The following EXOC8 variants were observed in gnomAD, a reference collection of about 807,000 sequenced individuals.
The protein encoded by EXOC8 is exocyst complex component 8, also known as exocyst complex 84 kDa subunit.
Under a neutral mutation model 50.8 loss-of-function variants are expected in EXOC8, and 19 were observed. The observed-to-expected ratio is 0.37, with a 90% confidence interval of 0.26 to 0.55. The LOEUF is 0.55. Ranked by LOEUF, EXOC8 falls within the 20% of genes least tolerant of loss-of-function variation. The pLI is 0.80. For missense variants in EXOC8, 781 were observed against 915.8 expected (o/e 0.85, Z 1.90); for synonymous variants, 384 against 367.9 (o/e 1.04, Z -0.50).
Position 231,336,555 on chromosome 1 carries a change from T to C in EXOC8, c.1191A>G (p.Glu397=). The change falls in exon 1 of 1, where the codon GAA becomes GAG. Residue 397 remains glutamate, a synonymous_variant. Transcript: ENST00000366645. The surrounding 1 kb of genome is among the most constrained non-coding windows in gnomAD (Gnocchi z 5.4). ...CTCTCAGGGAACGATCTGGGGAGAG[T>C]TCGAAAACTAGCACCTCAGTGAGCT... ...VRQLTEVLVF[E]LSPDRSLRGG... 6.2e-7 allele frequency: 1 copy of C among 1,613,780 alleles called. No individual in the cohort carries two copies. The highest frequency in any genetic ancestry group is 8.5e-7 in the Non-Finnish European group (1 of 1,179,974).
At position 231,337,078 on chromosome 1, in the gene EXOC8, CCA is replaced by C. The variant is rs1167064291; in HGVS notation, c.666_667del (p.Gly223AspfsTer45). On this transcript the variant is annotated frameshift_variant, in exon 1 of 1. Coordinates refer to ENST00000366645, the MANE Select transcript of EXOC8 (RefSeq NM_175876.5). LOFTEE classifies it high-confidence loss of function. The surrounding 1 kb of genome is among the most constrained non-coding windows in gnomAD (Gnocchi z 5.9). ...ATAGAGAGCGTTGTAGCGATACATC[CCA>C]CGCCGCTGAGGCAGCCAGGTAGCCA... 5 of 1,613,988 alleles carry C rather than the reference CCA, an allele frequency of 3.1e-6. No homozygotes were observed. Among genetic ancestry groups the C allele is most frequent in the Non-Finnish European group, 4.2e-6 (5 of 1,180,048 alleles).
Position 231,336,628 on chromosome 1 carries a change from G to A in EXOC8, c.1118C>T (p.Pro373Leu). Residue 373 changes from proline (P) to leucine (L), a missense_variant, in exon 1 of 1, where the codon CCA (proline) becomes CTA (leucine). Pro to Leu is a moderately conservative substitution (Grantham distance 98, BLOSUM62 -3). Around this residue, in one of 3 missense-constraint regions of EXOC8, gnomAD observed 700 missense variants for 804.1 expected, o/e 0.87. Coordinates refer to ENST00000366645, the MANE Select transcript of EXOC8 (RefSeq NM_175876.5). The surrounding 1 kb of genome is among the most constrained non-coding windows in gnomAD (Gnocchi z 5.4). ...LNHYLEDKPSPPPVKELRAKV... is the reference protein window; with the variant it reads ...LNHYLEDKPSLPPVKELRAKV... ...GGCCCTTAGTTCTTTTACAGGAGGT[G>A]GGCTAGGTTTATCTTCCAGGTAATG... The A allele has an allele frequency of 6.2e-7, 1 of 1,614,154 alleles. No homozygotes were observed. Among genetic ancestry groups the A allele is most frequent in the Non-Finnish European group, 8.5e-7 (1 of 1,180,040 alleles).
chr1:231,335,327 A>G lies in EXOC8; in HGVS notation c.*241T>C, dbSNP rs1686642825. On this transcript the variant is annotated 3_prime_UTR_variant, in exon 1 of 1. Coordinates refer to ENST00000366645, the MANE Select transcript of EXOC8 (RefSeq NM_175876.5). ...AGTGTGACCATAATTTCAGAAGAAG[A>G]GAATTAGCATAATTTAAAAGGATAG... 1 of 308,292 alleles carries G rather than the reference A, an allele frequency of 3.2e-6. No homozygotes were observed. Among genetic ancestry groups the G allele is most frequent in the Admixed American group, 4.4e-5 (1 of 22,538 alleles). 19.1% of individuals were successfully genotyped at this position (308,292 alleles called of 1,614,324 possible).
In EXOC8 at chr1:231,334,536, T is replaced by C. The variant is rs1420748989; in HGVS notation, c.*1032A>G. 1.3e-5 allele frequency: 2 copies of C among 152,230 alleles called. No homozygotes were observed. Among genetic ancestry groups the C allele is most frequent in the Non-Finnish European group, 2.9e-5 (2 of 68,036 alleles). The allele number at this position is 152,230 out of a possible 1,614,324, so 9.4% of individuals were successfully genotyped here. On this transcript the variant is annotated 3_prime_UTR_variant, in exon 1 of 1. Coordinates refer to ENST00000366645, the MANE Select transcript of EXOC8 (RefSeq NM_175876.5). ...CCCCAATGTGTCTTGCTTATTATTT[T>C]TTAAAATGTGACAAAGACAAAAGCT...
chr1:231,336,072 G>GT lies in EXOC8; in HGVS notation c.1673dup (p.Tyr558Ter). The change falls in exon 1 of 1, where the codon TAC (tyrosine) becomes TAAC (stop). Residue 558 changes from tyrosine (Y) to a stop codon, truncating the protein, a stop_gained and frameshift_variant. Transcript: ENST00000366645. LOFTEE classifies it high-confidence loss of function. This position sits in a 1 kb window ranked among gnomAD's most constrained non-coding sequence, Gnocchi z 5.4. ...VKDIQGALHS[Y>*]KEIIIEATKH... ...TAGTGGCTTCAATGATGATTTCTTT[G>GT]TAACTGTGCAAGGCCCCTTGGATGT... The GT allele has an allele frequency of 6.2e-7, 1 of 1,614,154 alleles. No individual in the cohort carries two copies. The highest frequency in any genetic ancestry group is 1.3e-5 in the African/African-American group (1 of 75,024).
At position 231,336,905 on chromosome 1, in the gene EXOC8, T is replaced by TG; in HGVS notation, c.840dup (p.Lys281GlnfsTer6). On this transcript the variant is annotated frameshift_variant, in exon 1 of 1. Transcript: ENST00000366645. LOFTEE classifies it high-confidence loss of function. This position sits in a 1 kb window ranked among gnomAD's most constrained non-coding sequence, Gnocchi z 5.4. ...CGCCTTTTCTCACTGAGGGCCCTCT[T>TG]GGTGTCCTCCAGCACTTCCAGCCAC... 2 of 1,614,100 alleles carry TG rather than the reference T, an allele frequency of 1.2e-6. No homozygotes were observed. The highest frequency in any genetic ancestry group is 2.2e-5 in the East Asian group (1 of 44,880).
In EXOC8 at chr1:231,337,490, G is replaced by C; in HGVS notation, c.256C>G (p.Gln86Glu). Residue 86 changes from glutamine (Q) to glutamate (E), a missense_variant, in exon 1 of 1, where the codon CAG becomes GAG. Coordinates refer to ENST00000366645, the MANE Select transcript of EXOC8 (RefSeq NM_175876.5). This position sits in a 1 kb window ranked among gnomAD's most constrained non-coding sequence, Gnocchi z 5.9. ...EISYLESEMY[Q>E]LSHLLTEQKS... ...TGCTCGGTCAGCAAATGGCTGAGCT[G>C]GTACATCTCGCTCTCCAGGTAGGAG... 6.2e-7 allele frequency: 1 copy of C among 1,613,502 alleles called. No individual in the cohort carries two copies. Among genetic ancestry groups the C allele is most frequent in the Non-Finnish European group, 8.5e-7 (1 of 1,179,980 alleles).
At position 231,336,126 on chromosome 1, in the gene EXOC8, G is replaced by A. The variant is rs145080060; in HGVS notation, c.1620C>T (p.Thr540=). 46 of 1,614,058 alleles carry A rather than the reference G, an allele frequency of 2.8e-5. 1 individual carries two copies. The Middle Eastern group carries it at 4.9e-4, about 17-fold the overall frequency. ...QQLGDIGLDL[T]FIIHALLVKD... ...TCACCAGAAGGGCATGGATGATGAA[G>A]GTGAGATCCAGTCCGATATCACCCA... The change falls in exon 1 of 1, where the codon ACC becomes ACT. Residue 540 remains threonine, a synonymous_variant. Transcript: ENST00000366645. This position sits in a 1 kb window ranked among gnomAD's most constrained non-coding sequence, Gnocchi z 5.4.
chr1:231,336,460 T>C lies in EXOC8; in HGVS notation c.1286A>G (p.Glu429Gly). Reference protein sequence around the residue: ...IRLGQCTKACELFLRNRAAAV... With the variant: ...IRLGQCTKACGLFLRNRAAAV... ...GGCTGCCCTGTTTCTCAAAAATAGCTCACAGGCCTTCGTGCACTGGCCCAG... is the reference window on the plus strand; with the variant it reads ...GGCTGCCCTGTTTCTCAAAAATAGCCCACAGGCCTTCGTGCACTGGCCCAG... The change falls in exon 1 of 1, where the codon GAG (glutamate) becomes GGG (glycine). Residue 429 changes from glutamate (E) to glycine (G), a missense_variant. By Grantham distance (98) the Glu-to-Gly change is moderately conservative. Around this residue, in one of 3 missense-constraint regions of EXOC8, gnomAD observed 700 missense variants for 804.1 expected, o/e 0.87. Transcript: ENST00000366645. This position sits in a 1 kb window ranked among gnomAD's most constrained non-coding sequence, Gnocchi z 5.4. The C allele has an allele frequency of 6.2e-7, 1 of 1,613,722 alleles. No homozygotes were observed. The highest frequency in any genetic ancestry group is 8.5e-7 in the Non-Finnish European group (1 of 1,179,902).
In EXOC8 at chr1:231,335,933, T is replaced by C. The variant is rs1197255782; in HGVS notation, c.1813A>G (p.Thr605Ala). The change falls in exon 1 of 1, where the codon ACA (threonine) becomes GCA (alanine). Residue 605 changes from threonine to alanine, a missense_variant. Physicochemically the swap from Thr to Ala is moderately conservative, Grantham distance 58. Transcript: ENST00000366645. Reference protein sequence around the residue: ...SCGVSNFEQYTGDDCWVNLSY... With the variant: ...SCGVSNFEQYAGDDCWVNLSY... ...AGGTTCACCCAGCAGTCATCCCCTG[T>C]GTACTGCTCAAAGTTACTTACCCCA... The C allele has an allele frequency of 6.2e-7, 1 of 1,614,220 alleles. No individual in the cohort carries two copies. The highest frequency in any genetic ancestry group is 8.5e-7 in the Non-Finnish European group (1 of 1,180,034).
Position 231,337,669 on chromosome 1 carries a change from A to G in EXOC8, c.77T>C (p.Leu26Pro), listed in dbSNP as rs145173936. 191 of 1,609,716 alleles carry G rather than the reference A, an allele frequency of 1.2e-4. No individual in the cohort carries two copies. The highest frequency in any genetic ancestry group is 1.5e-4 in the Non-Finnish European group (179 of 1,179,920). ...QLESGGFEAR[L>P]YVKQLSQQSD... ...CTGCTGCGAGAGCTGCTTCACGTAC[A>G]GCCGCGCCTCAAAACCCCCTGACTC... The change falls in exon 1 of 1, where the codon CTG becomes CCG. Residue 26 changes from leucine (L) to proline (P), a missense_variant. Transcript: ENST00000366645. The surrounding 1 kb of genome is among the most constrained non-coding windows in gnomAD (Gnocchi z 5.9).
Position 231,333,450 on chromosome 1 carries a change from T to C in EXOC8, c.*2118A>G, listed in dbSNP as rs1686604292. 1 of 152,646 alleles carries C rather than the reference T, an allele frequency of 6.6e-6. No individual in the cohort carries two copies. The highest frequency in any genetic ancestry group is 1.5e-5 in the Non-Finnish European group (1 of 68,044). 9.5% of individuals were successfully genotyped at this position (152,646 alleles called of 1,614,324 possible). ...ATGAAGAAGCAACCATTTAAATATC[T>C]AACTATACACATTCAAGTTTTTACA... On this transcript the variant is annotated 3_prime_UTR_variant, in exon 1 of 1. Transcript: ENST00000366645.
Position 231,334,415 on chromosome 1 carries a change from G to A in EXOC8, c.*1153C>T, listed in dbSNP as rs1174631082. ...TTTTTTTCCATTTGCATGAAGTCTGGGTCACTATATCTCCTACCCTGAATG... is the reference window on the plus strand; with the variant it reads ...TTTTTTTCCATTTGCATGAAGTCTGAGTCACTATATCTCCTACCCTGAATG... On this transcript the variant is annotated 3_prime_UTR_variant, in exon 1 of 1. Coordinates refer to ENST00000366645, the MANE Select transcript of EXOC8 (RefSeq NM_175876.5). 1 of 152,080 alleles carries A rather than the reference G, an allele frequency of 6.6e-6. No individual in the cohort carries two copies. The highest frequency in any genetic ancestry group is 2.4e-5 in the African/African-American group (1 of 41,390). 9.4% of individuals were successfully genotyped at this position (152,080 alleles called of 1,614,324 possible). A position where few individuals can be genotyped will look rare whatever the true frequency, so the allele number is the denominator to read the frequency against.
At position 231,336,335 on chromosome 1, in the gene EXOC8, C is replaced by T. The variant is rs1037804650; in HGVS notation, c.1411G>A (p.Ala471Thr). Reference protein sequence around the residue: ...HVFFTSLLETAREFEIDFAGT... With the variant: ...HVFFTSLLETTREFEIDFAGT... Reference sequence around the variant, plus strand: ...GCAAAATCGATCTCAAATTCTCTTGCAGTCTCGAGAAGGCTGGTAAAGAAG... The same window carrying T: ...GCAAAATCGATCTCAAATTCTCTTGTAGTCTCGAGAAGGCTGGTAAAGAAG... Residue 471 changes from alanine to threonine, a missense_variant, in exon 1 of 1, where the codon GCA becomes ACA. Physicochemically the swap from Ala to Thr is moderately conservative, Grantham distance 58 (BLOSUM62 0). Coordinates refer to ENST00000366645, the MANE Select transcript of EXOC8 (RefSeq NM_175876.5). The surrounding 1 kb of genome is among the most constrained non-coding windows in gnomAD (Gnocchi z 5.4). The T allele has an allele frequency of 8.7e-6, 14 of 1,614,028 alleles. No homozygotes were observed. Among genetic ancestry groups the T allele is most frequent in the Non-Finnish European group, 1.1e-5 (13 of 1,179,960 alleles).
rs1018284553 is a variant in EXOC8, at chr1:231,335,176, G to A, written c.*392C>T. On this transcript the variant is annotated 3_prime_UTR_variant, in exon 1 of 1. Coordinates refer to ENST00000366645, the MANE Select transcript of EXOC8 (RefSeq NM_175876.5). The stretch of plus-strand genomic sequence containing the variant: ...GACTACCTGGGCCCGGGAGGTCAAG[G>A]CTGCAGTGAGTCGAGACTTTGCCAC... 20 of 153,182 alleles carry A rather than the reference G, an allele frequency of 1.3e-4. No individual in the cohort carries two copies. Among genetic ancestry groups the A allele is most frequent in the Middle Eastern group, 3.1e-3 (1 of 318 alleles). 9.5% of individuals were successfully genotyped at this position (153,182 alleles called of 1,614,324 possible).
chr1:231,337,736 C>A lies in EXOC8; in HGVS notation c.10G>T (p.Ala4Ser). MAM[A>S]MSDSGASRLR... ...CGGCTCGCCCCACTGTCCGACATCG[C>A]CATCGCCATTTCTCTCCGGGTCTCA... The change falls in exon 1 of 1, where the codon GCG becomes TCG. Residue 4 changes from alanine (A) to serine (S), a missense_variant. By Grantham distance (99) the Ala-to-Ser change is moderately conservative. This residue lies in a region of EXOC8 where 700 missense variants were observed against 804.1 expected (regional missense o/e 0.87). Transcript: ENST00000366645. This position sits in a 1 kb window ranked among gnomAD's most constrained non-coding sequence, Gnocchi z 5.9. The A allele has an allele frequency of 6.3e-7, 1 of 1,597,356 alleles. No homozygotes were observed. Among genetic ancestry groups the A allele is most frequent in the Non-Finnish European group, 8.5e-7 (1 of 1,172,848 alleles).
In EXOC8 at chr1:231,333,549, T is replaced by C. The variant is rs945321176; in HGVS notation, c.*2019A>G. On this transcript the variant is annotated 3_prime_UTR_variant, in exon 1 of 1. Coordinates refer to ENST00000366645, the MANE Select transcript of EXOC8 (RefSeq NM_175876.5). ...ACTCAGCATCATATATTTATACATA[T>C]TTCATACAGTATAGTATTAGAAACT... The C allele has an allele frequency of 1.3e-5, 2 of 152,676 alleles. No individual in the cohort carries two copies. Among genetic ancestry groups the C allele is most frequent in the Non-Finnish European group, 1.5e-5 (1 of 68,040 alleles). The allele number at this position is 152,676 out of a possible 1,614,324, so 9.5% of individuals were successfully genotyped here.
rs1402335229 is a variant in EXOC8, at chr1:231,333,538, A to G, written c.*2030T>C. On this transcript the variant is annotated 3_prime_UTR_variant, in exon 1 of 1. Transcript: ENST00000366645. ...TCATTCCACAGACTCAGCATCATAT[A>G]TTTATACATATTTCATACAGTATAG... 6.6e-6 allele frequency: 1 copy of G among 152,638 alleles called. No homozygotes were observed. Among genetic ancestry groups the G allele is most frequent in the South Asian group, 2.1e-4 (1 of 4,830 alleles). 9.5% of individuals were successfully genotyped at this position (152,638 alleles called of 1,614,324 possible). A position where few individuals can be genotyped will look rare whatever the true frequency, so the allele number is the denominator to read the frequency against.
rs1571983807 is a variant in EXOC8, at chr1:231,336,278, C to T, written c.1468G>A (p.Val490Met). 6.2e-7 allele frequency: 1 copy of T among 1,614,068 alleles called. No individual in the cohort carries two copies. ...GTDSGCYSAFVVWARSAMGMF... is the reference protein window; with the variant it reads ...GTDSGCYSAFMVWARSAMGMF... ...CCCATGGCTGATCTTGCCCAGACCACAAAGGCAGAGTAGCAGCCGCTGTCA... is the reference window on the plus strand; with the variant it reads ...CCCATGGCTGATCTTGCCCAGACCATAAAGGCAGAGTAGCAGCCGCTGTCA... Residue 490 changes from valine (V) to methionine (M), a missense_variant, in exon 1 of 1, where the codon GTG (valine) becomes ATG (methionine). This residue lies in a region of EXOC8 where 700 missense variants were observed against 804.1 expected (regional missense o/e 0.87). Transcript: ENST00000366645. The surrounding 1 kb of genome is among the most constrained non-coding windows in gnomAD (Gnocchi z 5.4).
Sources: allele counts gnomAD v4.1 joint callset, GRCh38; gene constraint gnomAD v4.1.1; regional missense constraint gnomAD v4.1.1; non-coding constraint Gnocchi (gnomAD v3.1); transcripts MANE v1.5; gene names NCBI Gene and HGNC (gene_info 2026-07-23, HGNC 2026-07-21).